Variants in GRID1 observed in about 807,000 individuals in gnomAD.
GRID1 encodes glutamate ionotropic receptor delta type subunit 1, also known as glutamate receptor ionotropic, delta-1.
GRID1 carries 28 observed loss-of-function variants against 98.0 expected under a neutral mutation model. That is an observed-to-expected ratio of 0.29 (90% CI 0.21 to 0.39). The LOEUF is 0.39. GRID1 is among the 10% of genes least tolerant of loss of function. GRID1 has a pLI of 1.00. For missense variants in GRID1, 1,111 were observed against 1,340.5 expected (o/e 0.83, Z 2.67); for synonymous variants, 553 against 538.5 (o/e 1.03, Z -0.37).
intron 5 of GRID1, among the ~76,000 whole-genome samples, chr10:85,910,420 G>T (rs1312192619): frequency 2.0e-5 from 3 of 152,084 alleles, no homozygotes; most frequent in Admixed American, 6.5e-5. Flanking sequence ...TTTTACCTTG[G>T]TGTGTGCTTT....
At chr10:85,728,355 G>A (rs556432678) in intron 9 of GRID1, among the ~76,000 whole-genome samples, 47 of 152,158 alleles carry the variant, frequency 3.1e-4, no homozygotes, top group African/African-American at 4.3e-4. Flanking sequence ...TCCTTCCTCC[G>A]TTTGTAACAT....
intron 12 of GRID1, among the ~76,000 whole-genome samples, chr10:85,714,653 A>G (rs1841618262): frequency 6.6e-6 from 1 of 152,118 alleles, no homozygotes; most frequent in South Asian, 2.1e-4. Context: ...ATAGCATAAA[A>G]ATAAAATTCT....
At chr10:85,758,821 C>T (rs1358112413) in intron 8 of GRID1, among the ~76,000 whole-genome samples, 1 of 152,110 alleles carries the variant, frequency 6.6e-6, no homozygotes, top group Non-Finnish European at 1.5e-5. Flanking sequence ...GAGTGACCTG[C>T]TAGTACTGAA....
intron 4 of GRID1, among the ~76,000 whole-genome samples, chr10:86,020,861 A>G (rs1843039023): frequency 6.6e-6 from 1 of 152,186 alleles, no homozygotes; most frequent in African/African-American, 2.4e-5. Flanking sequence ...CTTTTGTTAA[A>G]CTATGTTTAC....
chr10:85,983,208 G>A (rs1842566914), intron 4 of GRID1, among the ~76,000 whole-genome samples: 1 of 152,186 alleles, frequency 6.6e-6, no homozygotes, highest in Non-Finnish European at 1.5e-5. Context: ...CCTCTGTTGA[G>A]TTCATGAGTA....
At chr10:86,077,376 C>G (rs78202847) in intron 4 of GRID1, among the ~76,000 whole-genome samples, 3,492 of 152,278 alleles carry the variant, frequency 0.023, 70 homozygotes, top group East Asian at 0.07. Flanking sequence ...CCTTCTGATT[C>G]AAGAATTCCA....
intron 8 of GRID1, among the ~76,000 whole-genome samples, chr10:85,757,383 A>G (rs188664623): frequency 1.3e-5 from 2 of 152,362 alleles, no homozygotes; most frequent in Admixed American, 1.3e-4. Flanking sequence ...CTGATGCCCA[A>G]TCTGCACATG....
intron 8 of GRID1, among the ~76,000 whole-genome samples, chr10:85,774,481 T>C (rs964913643): frequency 2.0e-5 from 3 of 151,514 alleles, no homozygotes; most frequent in African/African-American, 7.2e-5. Flanking sequence ...AAATGGAATC[T>C]AATTAAACTA....
chr10:86,278,433 C>CA (rs71016128), intron 2 of GRID1, among the ~76,000 whole-genome samples: 9 of 151,642 alleles, frequency 5.9e-5, no homozygotes, highest in Non-Finnish European at 1.2e-4. Flanking sequence ...AATATCAAAG[C>CA]AAAAAAAATG....
intron 2 of GRID1, among the ~76,000 whole-genome samples, chr10:86,313,520 A>G (rs964434119): frequency 6.6e-6 from 1 of 152,160 alleles, no homozygotes; most frequent in African/African-American, 2.4e-5. Flanking sequence ...CCCACTCCCC[A>G]GAACTTGAAG....
At chr10:86,287,032 G>A (rs190699745) in intron 2 of GRID1, among the ~76,000 whole-genome samples, 1 of 152,342 alleles carries the variant, frequency 6.6e-6, no homozygotes, top group Admixed American at 6.5e-5. Flanking sequence ...ACTCCAGGCA[G>A]TTCCGTAGGG....
At chr10:86,025,097 G>A (rs191846078) in intron 4 of GRID1, among the ~76,000 whole-genome samples, 1 of 152,272 alleles carries the variant, frequency 6.6e-6, no homozygotes, top group East Asian at 1.9e-4. Context: ...TCCCCATGTG[G>A]CCAGAATAGT....
At chr10:86,123,517 C>T (rs60416678) in intron 4 of GRID1, among the ~76,000 whole-genome samples, 6 of 152,320 alleles carry the variant, frequency 3.9e-5, no homozygotes, top group Non-Finnish European at 5.9e-5. Context: ...CACTGGCATC[C>T]CTGATTTGTT....
Position 85,600,565 on chromosome 10 carries a change from G to T in GRID1, c.*1708C>A, listed in dbSNP as rs774794166. ...CCATGATCACAGAACCAGGCTCTCA[G>T]CTCCCTGATTACTGCTGGCTGTGGG... On this transcript the variant is annotated 3_prime_UTR_variant, in exon 16 of 16. Transcript: ENST00000327946. 1 of 152,230 alleles carries T rather than the reference G, an allele frequency of 6.6e-6. No individual in the cohort carries two copies. The highest frequency in any genetic ancestry group is 6.5e-5 in the Admixed American group (1 of 15,272). 9.4% of individuals were successfully genotyped at this position (152,230 alleles called of 1,614,324 possible).
At chr10:85,979,701 G>A (rs1236475375) in intron 4 of GRID1, among the ~76,000 whole-genome samples, 1 of 152,226 alleles carries the variant, frequency 6.6e-6, no homozygotes, top group Non-Finnish European at 1.5e-5. Context: ...TGGTACTGGG[G>A]TTAGGATTCC....
At chr10:85,984,087 C>A (rs1270800645) in intron 4 of GRID1, among the ~76,000 whole-genome samples, 1 of 152,058 alleles carries the variant, frequency 6.6e-6, no homozygotes, top group Non-Finnish European at 1.5e-5. Context: ...CTCTCCATCT[C>A]TCCTCCATGA....
intron 8 of GRID1, among the ~76,000 whole-genome samples, chr10:85,734,582 A>C (rs1229344977): frequency 6.6e-6 from 1 of 152,172 alleles, no homozygotes; most frequent in Non-Finnish European, 1.5e-5. Flanking sequence ...CAAAGCAAAA[A>C]ATCAAAATTC....
intron 5 of GRID1, among the ~76,000 whole-genome samples, chr10:85,874,717 C>T (rs1435241670): frequency 2.0e-5 from 3 of 152,130 alleles, no homozygotes; most frequent in African/African-American, 7.2e-5. Context: ...ACCGTGTGGT[C>T]AGTTTGTACT....
intron 2 of GRID1, among the ~76,000 whole-genome samples, chr10:86,221,010 C>T (rs1047767746): frequency 2.2e-4 from 34 of 152,148 alleles, no homozygotes; most frequent in African/African-American, 8.2e-4. Flanking sequence ...GAGGCAAAGC[C>T]ATCACGACAT....
Sources: allele counts gnomAD v4.1 joint callset (sites outside exome capture counted in the v4.1 genomes callset), GRCh38; gene constraint gnomAD v4.1.1; transcripts MANE v1.5; gene names NCBI Gene and HGNC (gene_info 2026-07-23, HGNC 2026-07-21).